The following ZC3H7A variants were observed in gnomAD, a reference collection of about 807,000 sequenced individuals.
ZC3H7A encodes zinc finger CCCH-type containing 7A.
A neutral mutation model predicts 125.5 loss-of-function variants in ZC3H7A; 44 were observed. The ratio of observed to expected loss-of-function variants is 0.35; its 90% CI spans 0.28 to 0.45. The LOEUF (loss-of-function observed/expected upper bound fraction) is 0.45, where lower values mean the gene tolerates loss of function less well. Among genes scored for constraint, ZC3H7A ranks in the 20% least tolerant of loss-of-function variants. The pLI, the probability that ZC3H7A is intolerant of heterozygous loss-of-function variation, is 1.00. For synonymous variants in ZC3H7A, 399 were observed against 391.2 expected (o/e 1.02, Z -0.23); for missense variants, 977 against 1,170.7 (o/e 0.83, Z 2.41).
chr16:11,762,531 T>G, intron 17 of ZC3H7A, 140 bp downstream of exon 17: 1 of 783,298 alleles, frequency 1.3e-6, no homozygotes, highest in Non-Finnish European at 2.0e-6. Context: ...AATTGTTTTT[T>G]CACATAAGAA....
chr16:11,781,732 T>A (rs1056787590), intron 2 of ZC3H7A, among the ~76,000 whole-genome samples: 3 of 151,858 alleles, frequency 2.0e-5, no homozygotes, highest in Non-Finnish European at 2.9e-5. Flanking sequence ...TTCTATTTTT[T>A]AAAAACCCTA....
rs2052970882 is a variant in ZC3H7A at position 11,771,007 on chromosome 16, G to C, written c.904-20C>G. 1 of 1,583,824 alleles carries C rather than the reference G, an allele frequency of 6.3e-7. No individual in the cohort carries two copies. The highest frequency in any genetic ancestry group is 1.9e-5 in the Admixed American group (1 of 53,078). The stretch of plus-strand genomic sequence containing the variant: ...TGACGGCTGCGGAAGAAAAAAAGAT[G>C]TGATTAAAATTCATGAAGCTGTCAT... On this transcript the variant is annotated intron_variant, in intron 9 of 22. Transcript: ENST00000355758.
rs1291242700 is a variant in ZC3H7A at position 11,774,378 on chromosome 16, G to A, written c.761C>T (p.Ala254Val). ...ATTTGCCAGCACTGCAGATGGCAGA[G>A]CGCTCTCTTCCACTTGTAGTGGCAA... ...SILPLQVEESALPSAVLANGG... is the reference protein window; with the variant it reads ...SILPLQVEESVLPSAVLANGG... Residue 254 changes from alanine (A) to valine (V), a missense_variant, in exon 9 of 23, where the codon GCT (alanine) becomes GTT (valine). By Grantham distance (64) the Ala-to-Val change is moderately conservative. Transcript: ENST00000355758. 1 of 1,613,824 alleles carries A rather than the reference G, an allele frequency of 6.2e-7. No homozygotes were observed. The highest frequency in any genetic ancestry group is 1.7e-5 in the Admixed American group (1 of 59,984).
At position 11,781,431 on chromosome 16, in the gene ZC3H7A, T is replaced by C. The variant is rs777940750; in HGVS notation, c.102A>G (p.Gln34=). Reference sequence around the variant, plus strand: ...ACCTTCCCGGAGTCATTACCGCATATTGCTCCTGTGTTCCTGGATATGACA... The same window carrying C: ...ACCTTCCCGGAGTCATTACCGCATACTGCTCCTGTGTTCCTGGATATGACA... The part of the protein sequence containing the change: ...SPLSYPGTQE[Q]YAVYLRALVR... Residue 34 remains glutamine (Q), a synonymous_variant, in exon 3 of 23, where the codon CAA becomes CAG. Coordinates refer to ENST00000355758, the MANE Select transcript of ZC3H7A (RefSeq NM_014153.4). The C allele has an allele frequency of 1.2e-6, 2 of 1,606,956 alleles. No homozygotes were observed. Among genetic ancestry groups the C allele is most frequent in the South Asian group, 1.1e-5 (1 of 90,222 alleles).
chr16:11,752,328 T>C (rs1329741301), intron 22 of ZC3H7A, among the ~76,000 whole-genome samples: 1 of 152,258 alleles, frequency 6.6e-6, no homozygotes, highest in African/African-American at 2.4e-5. Context: ...GAACATTTAC[T>C]GTGAGCAAAG....
At chr16:11,760,512 T>C (rs1164587886) in intron 19 of ZC3H7A, among the ~76,000 whole-genome samples, 1 of 152,244 alleles carries the variant, frequency 6.6e-6, no homozygotes, top group East Asian at 1.9e-4. Flanking sequence ...TGCAAGGTAC[T>C]GTAGGTGGTG....
rs574065492 is a variant in ZC3H7A, at chr16:11,761,687, T to G, written c.2214-176A>C. On this transcript the variant is annotated intron_variant, in intron 18 of 22. Transcript: ENST00000355758. ...CCTATTGTCATTTACAAACACTCCC[T>G]ACAAACTCTAAACAAATTGATAAAA... 169 of 833,366 alleles carry G rather than the reference T, an allele frequency of 2.0e-4. No individual in the cohort carries two copies. In the African/African-American group the frequency reaches 2.6e-3, roughly 13 times the overall value. 51.6% of individuals were successfully genotyped at this position (833,366 alleles called of 1,614,324 possible). A position where few individuals can be genotyped will look rare whatever the true frequency, so the allele number is the denominator to read the frequency against.
At chr16:11,789,938 G>A (rs923267647) in intron 1 of ZC3H7A, among the ~76,000 whole-genome samples, 11 of 151,664 alleles carry the variant, frequency 7.3e-5, no homozygotes, top group South Asian at 4.2e-4. Flanking sequence ...AAAATTAACC[G>A]GGTGTGGAGG....
At chr16:11,768,293 T>C in intron 12 of ZC3H7A, 22 bp downstream of exon 12, 3 of 1,446,354 alleles carry the variant, frequency 2.1e-6, no homozygotes, top group African/African-American at 1.4e-5. Context: ...TAATACTCTC[T>C]GCGTGTTTGT....
At position 11,769,063 on chromosome 16, in the gene ZC3H7A, G is replaced by C; in HGVS notation, c.1141C>G (p.Pro381Ala). 2 of 1,610,356 alleles carry C rather than the reference G, an allele frequency of 1.2e-6. No homozygotes were observed. Among genetic ancestry groups the C allele is most frequent in the Non-Finnish European group, 1.7e-6 (2 of 1,178,604 alleles). Reference sequence around the variant, plus strand: ...AGGGAAGAATTACTGTTGTTAAGCGGTGTTCCCTCTCTAGAAGTTGAGGTG... The same window carrying C: ...AGGGAAGAATTACTGTTGTTAAGCGCTGTTCCCTCTCTAGAAGTTGAGGTG... ...LSTSTSREGT[P>A]LNNSNSSLLL... Residue 381 changes from proline to alanine, a missense_variant, in exon 11 of 23, where the codon CCG (proline) becomes GCG (alanine). Pro to Ala is a conservative substitution (Grantham distance 27). Transcript: ENST00000355758.
chr16:11,766,775 C>T (rs943439931), intron 13 of ZC3H7A, among the ~76,000 whole-genome samples: 1 of 150,740 alleles, frequency 6.6e-6, no homozygotes, highest in Non-Finnish European at 1.5e-5. Context: ...CCCAGCTACT[C>T]GGGAGGCTGA....
rs2052784643 is a variant in ZC3H7A at position 11,763,292 on chromosome 16, G to C, written c.2002+186C>G. 1.1e-5 allele frequency: 5 copies of C among 445,178 alleles called. No individual in the cohort carries two copies. The Admixed American group carries it at 1.2e-4, about 11-fold the overall frequency. The allele number at this position is 445,178 out of a possible 1,614,324, so 27.6% of individuals were successfully genotyped here. On this transcript the variant is annotated intron_variant, in intron 16 of 22. Transcript: ENST00000355758. ...CCGATTAATTTTTGTATTTTTTGTA[G>C]AGATGGGGATTTTGCCGTACTGGCC...
chr16:11,757,213 G>A (rs1028360908), intron 20 of ZC3H7A, among the ~76,000 whole-genome samples: 5 of 152,086 alleles, frequency 3.3e-5, no homozygotes, highest in East Asian at 1.9e-4. Flanking sequence ...AGCCGGGCAC[G>A]GTGGCTCACG....
At chr16:11,791,133 C>T (rs1276778926) in intron 1 of ZC3H7A, among the ~76,000 whole-genome samples, 1 of 114,328 alleles carries the variant, frequency 8.7e-6, no homozygotes. Context: ...ACACACACAT[C>T]CCAATGCTTG....
chr16:11,777,481 G>T (rs2053100299), intron 4 of ZC3H7A, among the ~76,000 whole-genome samples: 1 of 152,220 alleles, frequency 6.6e-6, no homozygotes, highest in South Asian at 2.1e-4. Context: ...AGCACTTTGG[G>T]AGGCCGAGGT....
In ZC3H7A at chr16:11,758,818, A is replaced by G. The variant is rs565439017; in HGVS notation, c.2320-279T>C. The G allele has an allele frequency of 2.0e-5, 7 of 351,640 alleles. No individual in the cohort carries two copies. The East Asian group carries it at 4.8e-4, about 24-fold the overall frequency. 21.8% of individuals were successfully genotyped at this position (351,640 alleles called of 1,614,324 possible). A position where few individuals can be genotyped will look rare whatever the true frequency, so the allele number is the denominator to read the frequency against. ...AAAATGTCTACAAACTCACTTACTCAGAACATTTAATCTCCACAATGAACA... is the reference window on the plus strand; with the variant it reads ...AAAATGTCTACAAACTCACTTACTCGGAACATTTAATCTCCACAATGAACA... On this transcript the variant is annotated intron_variant, in intron 19 of 22. Transcript: ENST00000355758.
At position 11,779,440 on chromosome 16, in the gene ZC3H7A, T is replaced by C. The variant is rs144646276; in HGVS notation, c.109-77A>G. The C allele has an allele frequency of 4.9e-4, 635 of 1,293,280 alleles. 4 individuals carry two copies. The African/African-American group carries it at 8.6e-3, about 17-fold the overall frequency. The allele number at this position is 1,293,280 out of a possible 1,614,324, so 80.1% of individuals were successfully genotyped here. A position where few individuals can be genotyped will look rare whatever the true frequency, so the allele number is the denominator to read the frequency against. ...ATAAGTAAATTTTAATTTTTATACC[T>C]AAAACTTCACAGGAAACAATGTGAC... On this transcript the variant is annotated intron_variant, in intron 3 of 22. Coordinates refer to ENST00000355758, the MANE Select transcript of ZC3H7A (RefSeq NM_014153.4).
chr16:11,794,465 A>C (rs2053401518), intron 1 of ZC3H7A, among the ~76,000 whole-genome samples: 1 of 152,200 alleles, frequency 6.6e-6, no homozygotes, highest in African/African-American at 2.4e-5. Context: ...AAATTATCTA[A>C]AATTTCTTCT....
In ZC3H7A at chr16:11,779,280, G is replaced by A. The variant is rs747067755; in HGVS notation, c.192C>T (p.Ser64=). The change falls in exon 4 of 23, where the codon AGC becomes AGT. Residue 64 remains serine, a synonymous_variant. Coordinates refer to ENST00000355758, the MANE Select transcript of ZC3H7A (RefSeq NM_014153.4). ...CTATATTCAAGGCTTCCGTGTACTG[G>A]CTTATCGAGTTGTTCCAATCATGTT... The part of the protein sequence containing the change: ...YREHDWNNSI[S]QYTEALNIAD... 1.2e-6 allele frequency: 2 copies of A among 1,613,886 alleles called. No individual in the cohort carries two copies. The highest frequency in any genetic ancestry group is 1.7e-5 in the Admixed American group (1 of 60,006).
Sources: gnomAD v4.1 joint callset for allele counts (sites outside exome capture counted in the v4.1 genomes callset) on GRCh38, gnomAD v4.1.1 for gene constraint, MANE v1.5 for transcripts, NCBI Gene and HGNC (gene_info 2026-07-23, HGNC 2026-07-21) for gene names.